The following DCAF6 variants were observed in gnomAD, a reference collection of about 807,000 sequenced individuals.
The protein encoded by DCAF6 is DDB1- and CUL4-associated factor 6.
In DCAF6, 54 loss-of-function variants were observed where a neutral mutation model predicts 125.1. The ratio of observed to expected loss-of-function variants is 0.43; its 90% CI spans 0.35 to 0.54. The LOEUF (loss-of-function observed/expected upper bound fraction) is 0.54. DCAF6 is among the 20% of genes least tolerant of loss of function. The pLI is 0.01. For missense variants in DCAF6, 934 were observed against 1,161.7 expected, an observed-to-expected ratio of 0.80 and a Z score of 2.85; for synonymous variants, 371 against 390.4, an observed-to-expected ratio of 0.95 and a Z score of 0.58.
chr1:167,925,428 GATATACATATACACATATATATATATAT>G, the DCAF6 span, among the ~76,000 whole-genome samples: 1 of 92,984 alleles, frequency 1.1e-5, no homozygotes, highest in East Asian at 3.0e-4. Flanking sequence ...ATAATATACA[GATATACATATACACATATATATATATAT>G]ATATATATAT....
chr1:167,935,859 T>G (rs745857752), upstream of DCAF6: 11 of 1,541,284 alleles, frequency 7.1e-6, no homozygotes, highest in Non-Finnish European at 8.8e-6. Context: ...GAGGGATCGT[T>G]GGCAGCCGGG....
In DCAF6 at chr1:168,038,373, A is replaced by G; in HGVS notation, c.1612A>G (p.Asn538Asp). Residue 538 changes from asparagine (N) to aspartate (D), a missense_variant and splice_region_variant, in exon 13 of 22, where the codon AAC becomes GAC. This residue lies in a region of DCAF6 where 559 missense variants were observed against 635.5 expected (regional missense o/e 0.88). Transcript: ENST00000367840. ...GSMSLDEQQD[N>D]NNEKLSPKPG... ...AATGTTTTAAACACAATTTTCAGAT[A>G]ACAATAATGAAAAGCTGAGCCCCAA... 1 of 1,604,202 alleles carries G rather than the reference A, an allele frequency of 6.2e-7. No homozygotes were observed. The highest frequency in any genetic ancestry group is 8.5e-7 in the Non-Finnish European group (1 of 1,175,406).
At chr1:167,905,245 C>A in the DCAF6 span, 2 of 1,327,610 alleles carry the variant, frequency 1.5e-6, no homozygotes, top group Non-Finnish European at 2.2e-6. Flanking sequence ...TTCATTTGCT[C>A]ATTTTCCTAT....
chr1:167,875,293 C>G, the DCAF6 span: 1 of 1,133,662 alleles, frequency 8.8e-7, no homozygotes, highest in Non-Finnish European at 1.3e-6. Context: ...CAATTGCTAA[C>G]AAGAGTCTAT....
chr1:167,872,874 A>C, the DCAF6 span, among the ~76,000 whole-genome samples: 1 of 151,614 alleles, frequency 6.6e-6, no homozygotes, highest in Admixed American at 6.6e-5. Context: ...GTTCAAGACC[A>C]GCCTGGCCAA....
At chr1:168,073,380 T>G (rs1693380879) in intron 21 of DCAF6, among the ~76,000 whole-genome samples, 1 of 152,206 alleles carries the variant, frequency 6.6e-6, no homozygotes, top group Admixed American at 6.5e-5. Flanking sequence ...GAAGTTGGGC[T>G]TACATTCTGG....
the DCAF6 span, among the ~76,000 whole-genome samples, chr1:167,904,319 C>A: frequency 6.6e-6 from 1 of 152,040 alleles, no homozygotes; most frequent in Non-Finnish European, 1.5e-5. Context: ...AACTCCTGAC[C>A]TTGTGATCCG....
At chr1:167,878,571 G>A in the DCAF6 span, 29 of 1,613,968 alleles carry the variant, frequency 1.8e-5, no homozygotes, top group South Asian at 1.2e-4. Flanking sequence ...TGACAGAGTC[G>A]CAGGTCACAA....
intron 3 of DCAF6, among the ~76,000 whole-genome samples, chr1:167,969,900 C>A (rs530024366): frequency 3.3e-4 from 51 of 152,336 alleles, no homozygotes; most frequent in African/African-American, 1.2e-3. Flanking sequence ...CCTCAGCCTT[C>A]CAAATAGCTG....
chr1:167,890,393 T>C, the DCAF6 span, among the ~76,000 whole-genome samples: 1 of 152,194 alleles, frequency 6.6e-6, no homozygotes, highest in African/African-American at 2.4e-5. Context: ...TTCCCTTACT[T>C]TCTCCCAAAC....
rs377350754 is a variant in DCAF6, at chr1:167,998,647, A to G, written c.904-3835A>G. On this transcript the variant is annotated intron_variant, in intron 7 of 21. Coordinates refer to ENST00000367840, the MANE Select transcript of DCAF6 (RefSeq NM_001198956.2). ...TTTCAGCAGTGTTCACAGCATCTTCACTAGGAGTTGCTTCTTACGGATGAG... is the reference window on the plus strand; with the variant it reads ...TTTCAGCAGTGTTCACAGCATCTTCGCTAGGAGTTGCTTCTTACGGATGAG... 3 of 154,178 alleles carry G rather than the reference A, an allele frequency of 1.9e-5. No individual in the cohort carries two copies. In the East Asian group the frequency reaches 5.8e-4, roughly 30 times the overall value. 9.6% of individuals were successfully genotyped at this position (154,178 alleles called of 1,614,324 possible). A position where few individuals can be genotyped will look rare whatever the true frequency, so the allele number is the denominator to read the frequency against.
At chr1:167,986,657 G>A (rs1680048391) in intron 4 of DCAF6, among the ~76,000 whole-genome samples, 1 of 152,168 alleles carries the variant, frequency 6.6e-6, no homozygotes, top group Non-Finnish European at 1.5e-5. Flanking sequence ...TCACCATAGT[G>A]TCTATGCTCC....
the DCAF6 span, among the ~76,000 whole-genome samples, chr1:167,903,255 C>CAA: frequency 0.1 from 14,911 of 143,120 alleles, 919 homozygotes; most frequent in African/African-American, 0.18. Context: ...GACTCTGACT[C>CAA]AAAAAAAAAA....
chr1:167,993,234 G>A lies in DCAF6; in HGVS notation c.697G>A (p.Ala233Thr), dbSNP rs766516732. The A allele has an allele frequency of 6.2e-7, 1 of 1,611,974 alleles. No individual in the cohort carries two copies. Among genetic ancestry groups the A allele is most frequent in the Admixed American group, 1.7e-5 (1 of 59,752 alleles). Residue 233 changes from alanine to threonine, a missense_variant, in exon 7 of 22, where the codon GCA becomes ACA. Physicochemically the swap from Ala to Thr is moderately conservative, Grantham distance 58 (BLOSUM62 0). Around this residue, in one of 5 missense-constraint regions of DCAF6, gnomAD observed 309 missense variants for 381.2 expected, o/e 0.81. Coordinates refer to ENST00000367840, the MANE Select transcript of DCAF6 (RefSeq NM_001198956.2). ...TCTTGTTTCTTTTTTAGGGAATTAT[G>A]CAGGTCGAGGGACTACTGGAATGGT... ...MLGTRATGNY[A>T]GRGTTGMVAR...
At chr1:167,939,563 A>G (rs568842882) in intron 1 of DCAF6, among the ~76,000 whole-genome samples, 1 of 152,274 alleles carries the variant, frequency 6.6e-6, no homozygotes, top group Admixed American at 6.5e-5. Context: ...GGAGTTTGAG[A>G]CCGGCCTGGC....
chr1:167,890,210 T>C, the DCAF6 span, among the ~76,000 whole-genome samples: 1 of 152,216 alleles, frequency 6.6e-6, no homozygotes, highest in East Asian at 1.9e-4. Flanking sequence ...TGGGAAGGCT[T>C]TCCATATATT....
At chr1:167,880,589 GAC>G in the DCAF6 span, 1 of 1,613,870 alleles carries the variant, frequency 6.2e-7, no homozygotes, top group East Asian at 2.2e-5. Flanking sequence ...GGAAGCCAAA[GAC>G]ACAGAGGAAA....
the DCAF6 span, chr1:167,896,693 T>A: frequency 6.3e-7 from 1 of 1,583,518 alleles, no homozygotes; most frequent in Non-Finnish European, 8.7e-7. Flanking sequence ...GAAGTTAACC[T>A]AAATAAAAGC....
At chr1:168,064,526 C>T (rs771510767) in intron 18 of DCAF6, among the ~76,000 whole-genome samples, 2 of 152,048 alleles carry the variant, frequency 1.3e-5, no homozygotes, top group African/African-American at 4.8e-5. Flanking sequence ...TAAAAAATAA[C>T]ATTTGGGTTG....
Sources: gnomAD v4.1 joint callset for allele counts (sites outside exome capture counted in the v4.1 genomes callset) on GRCh38, gnomAD v4.1.1 for gene constraint, gnomAD v4.1.1 regional missense constraint, MANE v1.5 for transcripts, NCBI Gene and HGNC (gene_info 2026-07-23, HGNC 2026-07-21) for gene names.